Variants in PPFIA2 observed in about 807,000 individuals in gnomAD.
PPFIA2 encodes PPFI scaffold protein A2, also known as liprin-alpha-2.
PPFIA2 carries 46 observed loss-of-function variants against 175.5 expected under a neutral mutation model. The observed-to-expected ratio is 0.26, with a 90% confidence interval of 0.21 to 0.34. The LOEUF is 0.34. Ranked by LOEUF, PPFIA2 falls within the 10% of genes least tolerant of loss-of-function variation. The pLI is 1.00. For missense variants in PPFIA2, 1,179 were observed against 1,506.1 expected (o/e 0.78, Z 3.60); for synonymous variants, 568 against 511.4 (o/e 1.11, Z -1.49).
At chr12:81,268,831 C>T (rs2038220192) in intron 28 of PPFIA2, among the ~76,000 whole-genome samples, 1 of 152,216 alleles carries the variant, frequency 6.6e-6, no homozygotes, top group South Asian at 2.1e-4. Context: ...TTAACCACTA[C>T]CTAAACATTG....
intron 4 of PPFIA2, among the ~76,000 whole-genome samples, chr12:81,656,686 A>C (rs913364028): frequency 6.6e-6 from 1 of 151,918 alleles, no homozygotes; most frequent in Non-Finnish European, 1.5e-5. Context: ...CTATGAGTAA[A>C]ATATAAGAAT....
chr12:81,548,380 A>C (rs956538801), intron 4 of PPFIA2, among the ~76,000 whole-genome samples: 1 of 152,200 alleles, frequency 6.6e-6, no homozygotes, highest in Non-Finnish European at 1.5e-5. Flanking sequence ...ATATTTCAAA[A>C]AAAGCCATCA....
chr12:81,668,117 A>G (rs1310792854), intron 4 of PPFIA2, among the ~76,000 whole-genome samples: 1 of 152,026 alleles, frequency 6.6e-6, no homozygotes, highest in African/African-American at 2.4e-5. Context: ...TTGCTTTCTG[A>G]CTAACCATTT....
chr12:81,518,978 A>T (rs2062792601), intron 4 of PPFIA2, among the ~76,000 whole-genome samples: 2 of 152,326 alleles, frequency 1.3e-5, no homozygotes, highest in South Asian at 4.1e-4. Flanking sequence ...AGCCTATTTG[A>T]TCTACTCATT....
At chr12:81,538,854 T>C (rs376292052) in intron 4 of PPFIA2, among the ~76,000 whole-genome samples, 3 of 152,034 alleles carry the variant, frequency 2.0e-5, no homozygotes, top group East Asian at 3.9e-4. Flanking sequence ...TGGAGGGTTC[T>C]GAGGGCAATA....
At chr12:81,344,566 T>C in intron 19 of PPFIA2, 98 bp downstream of exon 19, 2 of 834,560 alleles carry the variant, frequency 2.4e-6, no homozygotes, top group East Asian at 5.6e-5. Context: ...AACTTTTTAA[T>C]GTTTTATCAA....
chr12:81,437,985 T>G (rs949067801), intron 7 of PPFIA2, among the ~76,000 whole-genome samples: 1 of 151,844 alleles, frequency 6.6e-6, no homozygotes. Context: ...AATCTGGTCA[T>G]CAAAAAGTTT....
intron 11 of PPFIA2, 97 bp downstream of exon 11, chr12:81,374,537 T>A (rs2035921910): frequency 7.2e-7 from 1 of 1,390,174 alleles, no homozygotes; most frequent in Admixed American, 2.6e-5. Context: ...TAAACTTAAT[T>A]TTCATAAAGC....
chr12:81,607,607 T>G (rs2060462014), intron 4 of PPFIA2, among the ~76,000 whole-genome samples: 1 of 152,124 alleles, frequency 6.6e-6, no homozygotes, highest in African/African-American at 2.4e-5. Flanking sequence ...TAAACATTAT[T>G]GATGTATAGA....
chr12:81,576,290 C>G (rs1392866416), intron 4 of PPFIA2, among the ~76,000 whole-genome samples: 1 of 151,592 alleles, frequency 6.6e-6, no homozygotes. Context: ...GAGATGTTAG[C>G]CAGATGGAGT....
chr12:81,402,194 A>G (rs192465113), intron 8 of PPFIA2, among the ~76,000 whole-genome samples: 1 of 152,304 alleles, frequency 6.6e-6, no homozygotes, highest in Non-Finnish European at 1.5e-5. Flanking sequence ...TCACTTTCTT[A>G]GTTCTATCAG....
chr12:81,516,668 C>A (rs1873900977), intron 4 of PPFIA2, among the ~76,000 whole-genome samples: 2 of 152,110 alleles, frequency 1.3e-5, no homozygotes, highest in Non-Finnish European at 2.9e-5. Flanking sequence ...AAAGAATGGA[C>A]CAGATTCTTG....
intron 22 of PPFIA2, among the ~76,000 whole-genome samples, chr12:81,303,506 G>C (rs1312897178): frequency 2.0e-5 from 3 of 152,176 alleles, no homozygotes; most frequent in Admixed American, 2.0e-4. Context: ...TTTTGAGACA[G>C]TACAACTTCT....
chr12:81,349,448 G>C (rs1317887616), intron 17 of PPFIA2, among the ~76,000 whole-genome samples: 2 of 152,052 alleles, frequency 1.3e-5, no homozygotes, highest in Non-Finnish European at 2.9e-5. Context: ...TTTCATGAAT[G>C]CATTTTTTAA....
At chr12:81,645,016 G>T (rs1357913369) in intron 4 of PPFIA2, among the ~76,000 whole-genome samples, 3 of 151,886 alleles carry the variant, frequency 2.0e-5, no homozygotes, top group Admixed American at 2.0e-4. Context: ...GGCTGGAACA[G>T]AAATTCTTCT....
intron 4 of PPFIA2, among the ~76,000 whole-genome samples, chr12:81,462,928 T>C (rs944890357): frequency 6.6e-6 from 1 of 152,012 alleles, no homozygotes; most frequent in Non-Finnish European, 1.5e-5. Flanking sequence ...TTATCATTTG[T>C]TCATTGGATC....
chr12:81,621,589 T>C (rs542025924), intron 4 of PPFIA2, among the ~76,000 whole-genome samples: 2 of 152,240 alleles, frequency 1.3e-5, no homozygotes, highest in African/African-American at 4.8e-5. Context: ...CTAATTGTGG[T>C]TTATACAGGG....
intron 3 of PPFIA2, among the ~76,000 whole-genome samples, chr12:81,719,464 A>G (rs911425677): frequency 6.6e-6 from 1 of 151,432 alleles, no homozygotes. Flanking sequence ...TGGGGTGATG[A>G]TTACCCCTGA....
At chr12:81,406,283 A>C (rs1032573326) in intron 7 of PPFIA2, among the ~76,000 whole-genome samples, 4 of 152,148 alleles carry the variant, frequency 2.6e-5, no homozygotes, top group African/African-American at 9.7e-5. Flanking sequence ...TGTATTTTTA[A>C]AGTATACAAG....
Sources: allele counts gnomAD v4.1 joint callset (sites outside exome capture counted in the v4.1 genomes callset), GRCh38; gene constraint gnomAD v4.1.1; transcripts MANE v1.5; gene names NCBI Gene and HGNC (gene_info 2026-07-23, HGNC 2026-07-21).